The following ERLIN2 variants were observed in gnomAD, a reference collection of about 807,000 sequenced individuals.
ERLIN2 encodes ER lipid raft associated 2, also known as erlin-2.
A neutral mutation model predicts 41.5 loss-of-function variants in ERLIN2; 22 were observed. The observed-to-expected ratio is 0.53, with a 90% confidence interval of 0.38 to 0.76. The LOEUF (loss-of-function observed/expected upper bound fraction) is 0.76. ERLIN2 is among the 30% of genes least tolerant of loss of function. The pLI is 0.00. For synonymous variants in ERLIN2, 149 were observed against 150.9 expected, an observed-to-expected ratio of 0.99 and a Z score of 0.09; for missense variants, 247 against 414.3, an observed-to-expected ratio of 0.60 and a Z score of 3.51.
rs568082650 is a variant in ERLIN2 at position 37,747,641 on chromosome 8, A to C, written c.425-1918A>C. ...TTCGTTTTCCCAAAGCCCTGGCCAA[A>C]CTTGACGACTGCTCCATCCACAATG... On this transcript the variant is annotated intron_variant, in intron 6 of 11. Transcript: ENST00000519638. 3.2e-5 allele frequency: 52 copies of C among 1,609,840 alleles called. No homozygotes were observed. The South Asian group carries it at 4.0e-4, about 12-fold the overall frequency.
chr8:37,739,576 A>G (rs1489263199), intron 2 of ERLIN2, among the ~76,000 whole-genome samples: 1 of 151,994 alleles, frequency 6.6e-6, no homozygotes, highest in African/African-American at 2.4e-5. Context: ...CCCAGGTTCA[A>G]GCAATTCTCT....
rs771012890 is a variant in ERLIN2 at position 37,741,807 on chromosome 8, T to G, written c.225T>G (p.Pro75=). 1 of 1,613,272 alleles carries G rather than the reference T, an allele frequency of 6.2e-7. No homozygotes were observed. Among genetic ancestry groups the G allele is most frequent in the South Asian group, 1.1e-5 (1 of 91,074 alleles). The change falls in exon 4 of 12, where the codon CCT becomes CCG. Residue 75 remains proline (P), a synonymous_variant. Coordinates refer to ENST00000519638, the MANE Select transcript of ERLIN2 (RefSeq NM_007175.8). This position sits in a 1 kb window ranked among gnomAD's most constrained non-coding sequence, Gnocchi z 4.8. ...AGACAGATGAGGTGAAGAATGTACCTTGTGGGACTAGGTAAGGTACCCAGA... is the reference window on the plus strand; with the variant it reads ...AGACAGATGAGGTGAAGAATGTACCGTGTGGGACTAGGTAAGGTACCCAGA... ...TLQTDEVKNV[P]CGTSGGVMIY...
intron 8 of ERLIN2, 127 bp from the exon 9 acceptor site, chr8:37,750,268 G>A (rs867671715): frequency 6.7e-5 from 50 of 749,426 alleles, no homozygotes; most frequent in African/African-American, 1.2e-4. Flanking sequence ...CTGGGCCATC[G>A]AACAGCCTTC....
chr8:37,736,925 G>C (rs550446832), intron 1 of ERLIN2: 6 of 986,006 alleles, frequency 6.1e-6, no homozygotes, highest in Non-Finnish European at 7.2e-6. Context: ...ACGGGGCGGG[G>C]AAGGGGCGCG....
At position 37,744,596 on chromosome 8, in the gene ERLIN2, T is replaced by G. The variant is rs1179603839; in HGVS notation, c.324T>G (p.Thr108=). 6.2e-7 allele frequency: 1 copy of G among 1,614,102 alleles called. No individual in the cohort carries two copies. ...TGTATGATATAGTGAAGAACTATAC[T>G]GCTGACTATGACAAGGCCCTCATCT... is the stretch of plus-strand genomic sequence containing the variant. ...NAVYDIVKNY[T]ADYDKALIFN... The change falls in exon 6 of 12, where the codon ACT becomes ACG. Residue 108 remains threonine, a synonymous_variant. Transcript: ENST00000519638.
rs573746135 is a variant in ERLIN2, at chr8:37,756,948, C to T, written c.*2833C>T. The T allele has an allele frequency of 6.6e-6, 1 of 152,348 alleles. No homozygotes were observed. Among genetic ancestry groups the T allele is most frequent in the South Asian group, 2.1e-4 (1 of 4,822 alleles). 9.4% of individuals were successfully genotyped at this position (152,348 alleles called of 1,614,324 possible). Reference sequence around the variant, plus strand: ...TCATATTCAGTACTGTTTTTAATCACTTTTTAAAATATAAGGACCGAATGC... The same window carrying T: ...TCATATTCAGTACTGTTTTTAATCATTTTTTAAAATATAAGGACCGAATGC... On this transcript the variant is annotated 3_prime_UTR_variant, in exon 12 of 12. Transcript: ENST00000519638.
intron 6 of ERLIN2, among the ~76,000 whole-genome samples, chr8:37,748,317 C>T (rs1803126289): frequency 6.6e-6 from 1 of 152,210 alleles, no homozygotes; most frequent in African/African-American, 2.4e-5. Flanking sequence ...TGGTATTCTA[C>T]TTAAAATTAC....
intron 7 of ERLIN2, 25 bp from the exon 8 acceptor site, chr8:37,749,769 A>C (rs757705746): frequency 6.2e-7 from 1 of 1,612,878 alleles, no homozygotes; most frequent in Non-Finnish European, 8.5e-7. Context: ...CTTTCCCATC[A>C]GCTGCTGTTT....
In ERLIN2 at chr8:37,754,081, A is replaced by G. The variant is rs749465856; in HGVS notation, c.986A>G (p.Asp329Gly). 1 of 1,614,182 alleles carries G rather than the reference A, an allele frequency of 6.2e-7. No homozygotes were observed. The highest frequency in any genetic ancestry group is 1.7e-5 in the Admixed American group (1 of 60,022). ...LADKLSFGLEDEPLETATKEN is the reference protein window; with the variant it reads ...LADKLSFGLEGEPLETATKEN ...GACAAGCTAAGCTTTGGCTTAGAAG[A>G]TGAACCCTTGGAGACGGCCACTAAG... The change falls in exon 12 of 12, where the codon GAT becomes GGT. Residue 329 changes from aspartate to glycine, a missense_variant. By Grantham distance (94) the Asp-to-Gly change is moderately conservative. This residue lies in a region of ERLIN2 where 153 missense variants were observed against 256.4 expected (regional missense o/e 0.60). Coordinates refer to ENST00000519638, the MANE Select transcript of ERLIN2 (RefSeq NM_007175.8).
rs1035657170 is a variant in ERLIN2 at position 37,755,102 on chromosome 8, G to A, written c.*987G>A. 2 of 152,330 alleles carry A rather than the reference G, an allele frequency of 1.3e-5. No individual in the cohort carries two copies. The highest frequency in any genetic ancestry group is 2.9e-5 in the Non-Finnish European group (2 of 68,108). The allele number at this position is 152,330 out of a possible 1,614,324, so 9.4% of individuals were successfully genotyped here. On this transcript the variant is annotated 3_prime_UTR_variant, in exon 12 of 12. Coordinates refer to ENST00000519638, the MANE Select transcript of ERLIN2 (RefSeq NM_007175.8). ...AAGAGATGTCCTGGTCTTAATGCCT[G>A]TGGCTTGTGCTGGGAGTGGGTCTGA...
At position 37,757,011 on chromosome 8, in the gene ERLIN2, A is replaced by G. The variant is rs1803373615; in HGVS notation, c.*2896A>G. 6.6e-6 allele frequency: 1 copy of G among 152,214 alleles called. No homozygotes were observed. Among genetic ancestry groups the G allele is most frequent in the Non-Finnish European group, 1.5e-5 (1 of 68,036 alleles). 9.4% of individuals were successfully genotyped at this position (152,214 alleles called of 1,614,324 possible). A position where few individuals can be genotyped will look rare whatever the true frequency, so the allele number is the denominator to read the frequency against. ...GTTTATTAATAATTTTTATATAACT[A>G]AAATAAAATAGATGTGGAGGGATCT... On this transcript the variant is annotated 3_prime_UTR_variant, in exon 12 of 12. Coordinates refer to ENST00000519638, the MANE Select transcript of ERLIN2 (RefSeq NM_007175.8).
intron 6 of ERLIN2, chr8:37,748,125 T>C (rs1803119861): frequency 1.4e-6 from 1 of 690,418 alleles, no homozygotes; most frequent in Non-Finnish European, 2.6e-6. Flanking sequence ...TAAATGGCAT[T>C]TATCAACATT....
chr8:37,753,369 G>A, intron 10 of ERLIN2, 81 bp from the exon 11 acceptor site: 1 of 1,191,928 alleles, frequency 8.4e-7, no homozygotes, highest in Non-Finnish European at 1.2e-6. Context: ...CCAGAACAGA[G>A]TCTTCCCATA....
rs1280126335 is a variant in ERLIN2, at chr8:37,749,844, C to T, written c.549C>T (p.Tyr183=). ...PNIPEAIRRN[Y]ELMESEKTKL... ...TACCAGAGGCAATCCGCAGAAACTACGAGTTGATGTGAGTATACCCTCCGC... is the reference window on the plus strand; with the variant it reads ...TACCAGAGGCAATCCGCAGAAACTATGAGTTGATGTGAGTATACCCTCCGC... Residue 183 remains tyrosine (Y), a synonymous_variant, in exon 8 of 12, where the codon TAC becomes TAT. Transcript: ENST00000519638. 6 of 1,613,936 alleles carry T rather than the reference C, an allele frequency of 3.7e-6. No individual in the cohort carries two copies. The South Asian group carries it at 4.4e-5, about 12-fold the overall frequency.
chr8:37,737,761 G>A (rs1802703575), intron 1 of ERLIN2, 147 bp from the exon 2 acceptor site: 7 of 834,546 alleles, frequency 8.4e-6, no homozygotes, highest in Non-Finnish European at 1.9e-6. Context: ...AGGAGGAAGC[G>A]AGTTGTAGAT....
At position 37,756,355 on chromosome 8, in the gene ERLIN2, T is replaced by C. The variant is rs1264527360; in HGVS notation, c.*2240T>C. ...CCTTCTACTCTGAGCTCTTGTTGCC[T>C]AGACCTCAGAAAACACCAATTCACC... On this transcript the variant is annotated 3_prime_UTR_variant, in exon 12 of 12. Transcript: ENST00000519638. 5.9e-5 allele frequency: 9 copies of C among 152,388 alleles called. No homozygotes were observed. The highest frequency in any genetic ancestry group is 1.0e-4 in the Non-Finnish European group (7 of 68,036). The allele number at this position is 152,388 out of a possible 1,614,324, so 9.4% of individuals were successfully genotyped here. A position where few individuals can be genotyped will look rare whatever the true frequency, so the allele number is the denominator to read the frequency against.
intron 8 of ERLIN2, 91 bp from the exon 9 acceptor site, chr8:37,750,304 G>T: frequency 1.0e-6 from 1 of 964,810 alleles, no homozygotes; most frequent in Non-Finnish European, 1.6e-6. Context: ...ATGGGAGTTT[G>T]CCTCTCTTCA....
At chr8:37,744,467 C>T (rs1802967461) in intron 5 of ERLIN2, 51 bp downstream of exon 5, 1 of 1,605,070 alleles carries the variant, frequency 6.2e-7, no homozygotes. Flanking sequence ...CCCAGCATGC[C>T]ACTCCCGTGT....
intron 1 of ERLIN2, chr8:37,736,917 G>T: frequency 1.0e-6 from 1 of 985,956 alleles, no homozygotes; most frequent in Non-Finnish European, 1.2e-6. Context: ...CTCTCGGAAC[G>T]GGGCGGGGAA....
Sources: gnomAD v4.1 joint callset for allele counts (sites outside exome capture counted in the v4.1 genomes callset) on GRCh38, gnomAD v4.1.1 for gene constraint, gnomAD v4.1.1 regional missense constraint, Gnocchi (gnomAD v3.1) non-coding constraint, MANE v1.5 for transcripts, NCBI Gene and HGNC (gene_info 2026-07-23, HGNC 2026-07-21) for gene names.